Variants in LGR6 observed in about 807,000 individuals in gnomAD.
LGR6 encodes leucine-rich repeat-containing G protein-coupled receptor 6.
Under a neutral mutation model 69.4 loss-of-function variants are expected in LGR6, and 45 were observed. That is an observed-to-expected ratio of 0.65 (90% CI 0.51 to 0.83). The LOEUF is 0.83. Ranked by LOEUF, LGR6 falls within the 40% of genes least tolerant of loss-of-function variation. The probability of loss-of-function intolerance (pLI) is 0.00; values close to 1 mark genes in which losing one functional copy is unlikely to be tolerated. For synonymous variants in LGR6, 538 were observed against 555.0 expected, an observed-to-expected ratio of 0.97 and a Z score of 0.43; for missense variants, 1,108 against 1,246.7, an observed-to-expected ratio of 0.89 and a Z score of 1.68.
chr1:202,196,977 T>C (rs1038857565), intron 1 of LGR6: 5 of 526,346 alleles, frequency 9.5e-6, no homozygotes, highest in Non-Finnish European at 1.9e-5. Flanking sequence ...TAGGTCCTCC[T>C]GACACAGAGT....
At chr1:202,243,522 C>A (rs1019908269) in intron 4 of LGR6, among the ~76,000 whole-genome samples, 3 of 152,208 alleles carry the variant, frequency 2.0e-5, no homozygotes, top group Non-Finnish European at 4.4e-5. Context: ...GGCTCTTTAT[C>A]TTCCCTTGTG....
At chr1:202,203,989 G>A in intron 1 of LGR6, 2 of 748,640 alleles carry the variant, frequency 2.7e-6, no homozygotes, top group Admixed American at 3.9e-5. Context: ...GTCTTTGTAG[G>A]GTGTGTGTGT....
chr1:202,228,140 ATTG>A lies in LGR6; in HGVS notation c.356+136_356+138del. 5.0e-6 allele frequency: 3 copies of A among 603,378 alleles called. No homozygotes were observed. The South Asian group carries it at 6.8e-5, about 14-fold the overall frequency. 37.4% of individuals were successfully genotyped at this position (603,378 alleles called of 1,614,324 possible). On this transcript the variant is annotated intron_variant, in intron 3 of 17. Transcript: ENST00000367278. ...TTCCTTATCTTCACTTTCAGTTTCA[ATTG>A]TTATTTCCATTTCTTTGCTTCACCT...
At chr1:202,248,602 A>G (rs1025434485) in intron 4 of LGR6, among the ~76,000 whole-genome samples, 1 of 152,124 alleles carries the variant, frequency 6.6e-6, no homozygotes, top group Admixed American at 6.5e-5. Flanking sequence ...GGTCTGGACT[A>G]TGGAGAGGGA....
At chr1:202,229,562 C>G (rs1660839211) in intron 3 of LGR6, among the ~76,000 whole-genome samples, 1 of 152,228 alleles carries the variant, frequency 6.6e-6, no homozygotes. Flanking sequence ...AAGACTCCGG[C>G]TTAGAGATGA....
Position 202,264,800 on chromosome 1 carries a change from T to C in LGR6, c.429-11506T>C, listed in dbSNP as rs567284266. Among the ~76,000 whole-genome samples, 51 of 152,272 alleles carry C rather than the reference T, an allele frequency of 3.3e-4. 1 individual carries two copies. The highest frequency in any genetic ancestry group is 1.1e-3 in the African/African-American group (47 of 41,552). ...AAATACAAGGAATAGCTTGGAGGAA[T>C]GCTCAGGTATCATCCTTTGATGTAT... On this transcript the variant is annotated intron_variant, in intron 4 of 17. Transcript: ENST00000367278.
chr1:202,310,891 A>C (rs977735488), intron 16 of LGR6, among the ~76,000 whole-genome samples: 1 of 152,152 alleles, frequency 6.6e-6, no homozygotes, highest in Admixed American at 6.5e-5. Context: ...CATGAGTCTG[A>C]AAGTGAGACT....
intron 1 of LGR6, among the ~76,000 whole-genome samples, chr1:202,224,013 G>C (rs1262775122): frequency 6.6e-6 from 1 of 151,946 alleles, no homozygotes; most frequent in African/African-American, 2.4e-5. Flanking sequence ...CACCCTACCA[G>C]CTTGGTGCTG....
chr1:202,263,549 A>G (rs1401022764), intron 4 of LGR6, among the ~76,000 whole-genome samples: 3 of 152,040 alleles, frequency 2.0e-5, no homozygotes, highest in Non-Finnish European at 1.5e-5. Context: ...TTGTTCCTTC[A>G]TTTCCTCCCT....
At chr1:202,294,748 A>G (rs891872072) in intron 6 of LGR6, among the ~76,000 whole-genome samples, 1 of 152,218 alleles carries the variant, frequency 6.6e-6, no homozygotes, top group African/African-American at 2.4e-5. Flanking sequence ...AGGCCATCCC[A>G]GCCCAAGGTA....
intron 1 of LGR6, among the ~76,000 whole-genome samples, chr1:202,209,511 G>T (rs1448517270): frequency 6.6e-6 from 1 of 152,240 alleles, no homozygotes; most frequent in Non-Finnish European, 1.5e-5. Flanking sequence ...TGATGAGTGG[G>T]GCAGGAGCAG....
At chr1:202,284,493 G>A (rs1176462645) in intron 6 of LGR6, among the ~76,000 whole-genome samples, 1 of 152,176 alleles carries the variant, frequency 6.6e-6, no homozygotes, top group Non-Finnish European at 1.5e-5. Context: ...CTCTTGCTTT[G>A]TAATACGTTG....
intron 12 of LGR6, 146 bp downstream of exon 12, chr1:202,305,895 GT>G (rs755394583): frequency 1.4e-6 from 1 of 720,938 alleles, no homozygotes; most frequent in Non-Finnish European, 2.4e-6. Context: ...TTAACCCAGA[GT>G]TTAGGGCTGA....
chr1:202,307,067 A>C, intron 13 of LGR6, 128 bp downstream of exon 13: 1 of 815,270 alleles, frequency 1.2e-6, no homozygotes, highest in South Asian at 1.6e-5. Flanking sequence ...CCAGCTCCAC[A>C]GCCCCCACCC....
At chr1:202,245,233 ATTTGG>A (rs1483760385) in intron 4 of LGR6, among the ~76,000 whole-genome samples, 1 of 124,404 alleles carries the variant, frequency 8.0e-6, no homozygotes, top group African/African-American at 3.1e-5. Flanking sequence ...ATGCTACTGT[ATTTGG>A]ATCTTCCCAA....
At chr1:202,299,969 T>A (rs1404459235) in intron 7 of LGR6, among the ~76,000 whole-genome samples, 1 of 152,040 alleles carries the variant, frequency 6.6e-6, no homozygotes, top group Non-Finnish European at 1.5e-5. Flanking sequence ...GGTGCCTCAG[T>A]CCTCATTTTC....
At chr1:202,308,037 C>T (rs1356358730) in intron 14 of LGR6, among the ~76,000 whole-genome samples, 6 of 152,200 alleles carry the variant, frequency 3.9e-5, no homozygotes, top group Non-Finnish European at 7.4e-5. Context: ...CCTAAAAGCA[C>T]ATCTACCTAG....
Position 202,319,145 on chromosome 1 carries a change from G to T in LGR6, c.2842G>T (p.Gly948Ter), listed in dbSNP as rs1276407066. 7 of 1,614,012 alleles carry T rather than the reference G, an allele frequency of 4.3e-6. No individual in the cohort carries two copies. Among genetic ancestry groups the T allele is most frequent in the Non-Finnish European group, 5.9e-6 (7 of 1,179,910 alleles). Residue 948 changes from glycine (G) to a stop codon, truncating the protein, a stop_gained, in exon 18 of 18, where the codon GGA (glycine) becomes TGA (stop). Coordinates refer to ENST00000367278, the MANE Select transcript of LGR6 (RefSeq NM_001017403.2). LOFTEE classifies it high-confidence loss of function. ...GGCAGAGGGATCTACGCCAGCAGGT[G>T]GAGGCTTGTCAGGGGGTGGCGGCTT... The part of the protein sequence containing the change: ...LRAEGSTPAG[G>*]GLSGGGGFQP...
intron 1 of LGR6, among the ~76,000 whole-genome samples, chr1:202,196,517 G>A (rs1658646736): frequency 1.3e-5 from 2 of 152,290 alleles, no homozygotes; most frequent in Admixed American, 6.5e-5. Flanking sequence ...CTCTCTCTGA[G>A]CCACTCAAAC....
Sources: gnomAD v4.1 joint callset for allele counts (sites outside exome capture counted in the v4.1 genomes callset) on GRCh38, gnomAD v4.1.1 for gene constraint, MANE v1.5 for transcripts, NCBI Gene and HGNC (gene_info 2026-07-23, HGNC 2026-07-21) for gene names.